Variants in MYLK observed in about 807,000 individuals in gnomAD.
The protein encoded by MYLK is myosin light chain kinase, smooth muscle.
MYLK carries 106 observed loss-of-function variants against 203.4 expected under a neutral mutation model. That is an observed-to-expected ratio of 0.52 (90% CI 0.45 to 0.61). The LOEUF is 0.61. Ranked by LOEUF, MYLK falls within the 20% of genes least tolerant of loss-of-function variation. The probability of loss-of-function intolerance (pLI) is 0.00; values close to 1 mark genes in which losing one functional copy is unlikely to be tolerated. For synonymous variants in MYLK, 867 were observed against 959.5 expected (o/e 0.90, Z 1.78); for missense variants, 2,072 against 2,442.3 (o/e 0.85, Z 3.20).
rs1018620519 is a variant in MYLK, at chr3:123,610,235, T to A, written c.*3870A>T. 13 of 152,200 alleles carry A rather than the reference T, an allele frequency of 8.5e-5. No individual in the cohort carries two copies. The highest frequency in any genetic ancestry group is 2.9e-4 in the African/African-American group (12 of 41,440). 9.4% of individuals were successfully genotyped at this position (152,200 alleles called of 1,614,324 possible). ...GAATTTTTTATTTTATTTTTTAAAG[T>A]AACTTAAATTTAAATAGCCACTTGT... On this transcript the variant is annotated 3_prime_UTR_variant, in exon 34 of 34. Coordinates refer to ENST00000360304, the MANE Select transcript of MYLK (RefSeq NM_053025.4).
chr3:123,769,050 T>C (rs1035594885), intron 4 of MYLK, among the ~76,000 whole-genome samples: 2 of 152,226 alleles, frequency 1.3e-5, no homozygotes, highest in Admixed American at 1.3e-4. Context: ...TGCATGTTGA[T>C]CTGATCACAG....
Position 123,701,507 on chromosome 3 carries a change from T to A in MYLK, c.2393A>T (p.Asn798Ile). 1 of 1,613,762 alleles carries A rather than the reference T, an allele frequency of 6.2e-7. No homozygotes were observed. ...CTGGCAACTGCATTCGCCAACCCGG[T>A]TCCTGAAGAATTCCAAAGATCAATA... ...HAGQYEILLKNRVGECSCQVS... is the reference protein window; with the variant it reads ...HAGQYEILLKIRVGECSCQVS... Residue 798 changes from asparagine (N) to isoleucine (I), a missense_variant and splice_region_variant, in exon 17 of 34, where the codon AAC becomes ATC. Coordinates refer to ENST00000360304, the MANE Select transcript of MYLK (RefSeq NM_053025.4).
rs201251944 is a variant in MYLK, at chr3:123,692,837, C to T, written c.3463G>A (p.Val1155Ile). 59 of 1,613,762 alleles carry T rather than the reference C, an allele frequency of 3.7e-5. No individual in the cohort carries two copies. The highest frequency in any genetic ancestry group is 3.3e-4 in the Middle Eastern group (2 of 6,080). Residue 1155 changes from valine to isoleucine, a missense_variant, in exon 19 of 34, where the codon GTC becomes ATC. By Grantham distance (29) the Val-to-Ile change is conservative (BLOSUM62 3). Transcript: ENST00000360304. ...ILSQEGSLCS[V>I]SIEKALPEDR... ...TCAGGCAGTGCCTTCTCGATGGAGA[C>T]GGAGCAGAGTGAGCCTGGGGAGGAA...
chr3:123,629,758 C>T lies in MYLK; in HGVS notation c.4962-132G>A. 1 of 890,810 alleles carries T rather than the reference C, an allele frequency of 1.1e-6. No individual in the cohort carries two copies. Among genetic ancestry groups the T allele is most frequent in the South Asian group, 1.5e-5 (1 of 65,378 alleles). 55.2% of individuals were successfully genotyped at this position (890,810 alleles called of 1,614,324 possible). A position where few individuals can be genotyped will look rare whatever the true frequency, so the allele number is the denominator to read the frequency against. ...AAACTCATGCTCTGTGGGCCTTGCA[C>T]CTGCCTTTCTTCCACTTGTGGAAAG... On this transcript the variant is annotated intron_variant, in intron 29 of 33. Coordinates refer to ENST00000360304, the MANE Select transcript of MYLK (RefSeq NM_053025.4). This position sits in a 1 kb window ranked among gnomAD's most constrained non-coding sequence, Gnocchi z 4.4.
At chr3:123,819,834 C>T (rs1344989621) in intron 3 of MYLK, among the ~76,000 whole-genome samples, 4 of 129,874 alleles carry the variant, frequency 3.1e-5, no homozygotes, top group Admixed American at 8.6e-5. Context: ...TTTGAAGACT[C>T]CTCTTTTTAA....
chr3:123,706,286 T>C (rs570019159), intron 16 of MYLK, among the ~76,000 whole-genome samples: 1 of 152,286 alleles, frequency 6.6e-6, no homozygotes, highest in South Asian at 2.1e-4. Context: ...AGATAACTGA[T>C]TCAGGTATAA....
At chr3:123,839,659 G>A (rs1399824281) in intron 2 of MYLK, among the ~76,000 whole-genome samples, 1 of 152,148 alleles carries the variant, frequency 6.6e-6, no homozygotes, top group East Asian at 1.9e-4. Flanking sequence ...CAAGTACACA[G>A]AAAATAAGTA....
chr3:123,651,946 G>A (rs1560019466), intron 24 of MYLK, among the ~76,000 whole-genome samples: 1 of 152,170 alleles, frequency 6.6e-6, no homozygotes. Context: ...CAGGAAACTC[G>A]GATCAAGAGT....
At chr3:123,664,434 G>A (rs898131593) in intron 22 of MYLK, among the ~76,000 whole-genome samples, 176 bp from the exon 23 acceptor site, 1 of 152,010 alleles carries the variant, frequency 6.6e-6, no homozygotes, top group African/African-American at 2.4e-5. Flanking sequence ...TACATCCAGA[G>A]TCCAGCTTCC....
chr3:123,737,223 G>GGA, intron 8 of MYLK, 155 bp downstream of exon 8: 1 of 617,742 alleles, frequency 1.6e-6, no homozygotes, highest in South Asian at 2.0e-5. Flanking sequence ...TGTCTGAAGA[G>GGA]AAAAAAAAAA....
chr3:123,845,744 C>A (rs7634471), intron 2 of MYLK, among the ~76,000 whole-genome samples: 2,501 of 152,232 alleles, frequency 0.016, 67 homozygotes, highest in African/African-American at 0.056. Context: ...GGCTCAGATT[C>A]CTGGACTCAA....
chr3:123,700,060 C>T lies in MYLK; in HGVS notation c.3408G>A (p.Lys1136=). The part of the protein sequence containing the change: ...PATIIWTLNG[K]TLKTTKFIIL... Reference sequence around the variant, plus strand: ...TGATGAACTTGGTGGTCTTGAGGGTCTTTCCGTTCAGCGTCCAGATGATGG... The same window carrying T: ...TGATGAACTTGGTGGTCTTGAGGGTTTTTCCGTTCAGCGTCCAGATGATGG... The change falls in exon 18 of 34, where the codon AAG becomes AAA. Residue 1136 remains lysine (K), a synonymous_variant. Coordinates refer to ENST00000360304, the MANE Select transcript of MYLK (RefSeq NM_053025.4). The T allele has an allele frequency of 6.2e-7, 1 of 1,614,034 alleles. No homozygotes were observed.
At chr3:123,702,243 C>T (rs1283284765) in intron 16 of MYLK, among the ~76,000 whole-genome samples, 1 of 152,110 alleles carries the variant, frequency 6.6e-6, no homozygotes, top group Non-Finnish European at 1.5e-5. Context: ...CCCTCCAACC[C>T]CATAAGGCTG....
At chr3:123,683,830 C>T (rs2060355359) in intron 19 of MYLK, among the ~76,000 whole-genome samples, 1 of 152,176 alleles carries the variant, frequency 6.6e-6, no homozygotes, top group African/African-American at 2.4e-5. Context: ...GAGCAGACAG[C>T]CAAAGCAACC....
rs1281596256 is a variant in MYLK, at chr3:123,711,090, CA to C, written c.1805-1198del. On this transcript the variant is annotated intron_variant, in intron 13 of 33. Coordinates refer to ENST00000360304, the MANE Select transcript of MYLK (RefSeq NM_053025.4). ...TGGGAGACAGAGCAAGATTCTGTCT[CA>C]AAAAAAAAAAGGAAGATGCCAAAGA... is the stretch of plus-strand genomic sequence containing the variant. Among the ~76,000 whole-genome samples the C allele has an allele frequency of 9.0e-3, 1,210 of 134,340 alleles. 13 individuals carry two copies. Among genetic ancestry groups the C allele is most frequent in the African/African-American group, 0.03 (1,107 of 36,456 alleles). The allele number at this position is 134,340 out of a possible 152,430, so 88.1% of individuals were successfully genotyped here.
At chr3:123,651,295 G>A (rs895149016) in intron 24 of MYLK, among the ~76,000 whole-genome samples, 3 of 152,182 alleles carry the variant, frequency 2.0e-5, no homozygotes, top group African/African-American at 7.2e-5. Flanking sequence ...ACTCACACAT[G>A]AGAAGTACCA....
chr3:123,816,447 G>A lies in MYLK; in HGVS notation c.-4+15101C>T, dbSNP rs35856059. 7.0e-3 allele frequency among the ~76,000 whole-genome samples: 1,059 copies of A among 152,358 alleles called. 2 individuals carry two copies. Among genetic ancestry groups the A allele is most frequent in the Middle Eastern group, 0.02 (6 of 294 alleles). ...CCCTCCTTAAATGTGGCCTGTTGCA[G>A]CTATAACCATAGCACCAATTGGGTG... On this transcript the variant is annotated intron_variant, in intron 3 of 33. Coordinates refer to ENST00000360304, the MANE Select transcript of MYLK (RefSeq NM_053025.4).
intron 24 of MYLK, among the ~76,000 whole-genome samples, chr3:123,656,458 T>C (rs1191057371): frequency 6.6e-6 from 1 of 152,196 alleles, no homozygotes; most frequent in Non-Finnish European, 1.5e-5. Flanking sequence ...CACACGAGCA[T>C]CTGAAAATGT....
chr3:123,845,836 A>G (rs1230392827), intron 2 of MYLK, among the ~76,000 whole-genome samples: 1 of 152,146 alleles, frequency 6.6e-6, no homozygotes, highest in African/African-American at 2.4e-5. Flanking sequence ...GCCATTAAAA[A>G]ATTCCACCAC....
Sources: gnomAD v4.1 joint callset for allele counts (sites outside exome capture counted in the v4.1 genomes callset) on GRCh38, gnomAD v4.1.1 for gene constraint, Gnocchi (gnomAD v3.1) non-coding constraint, MANE v1.5 for transcripts, NCBI Gene and HGNC (gene_info 2026-07-23, HGNC 2026-07-21) for gene names.